The following ERC2 variants were observed in gnomAD, a reference collection of about 807,000 sequenced individuals.
ERC2 encodes ELKS/RAB6-interacting/CAST family member 2.
A neutral mutation model predicts 114.8 loss-of-function variants in ERC2; 42 were observed. The ratio of observed to expected loss-of-function variants is 0.37; its 90% CI spans 0.29 to 0.47. The LOEUF (loss-of-function observed/expected upper bound fraction) is 0.47. ERC2 is among the 20% of genes least tolerant of loss of function. The pLI, the probability that ERC2 is intolerant of heterozygous loss-of-function variation, is 0.99. For missense variants in ERC2, 939 were observed against 1,150.7 expected (o/e 0.82, Z 2.66); for synonymous variants, 454 against 425.5 (o/e 1.07, Z -0.82).
At chr3:56,179,381 G>A (rs921144205) in intron 3 of ERC2, among the ~76,000 whole-genome samples, 1 of 152,176 alleles carries the variant, frequency 6.6e-6, no homozygotes, top group Admixed American at 6.5e-5. Flanking sequence ...GAGAAAAATG[G>A]GAAGACATTG....
At chr3:55,659,923 T>C (rs960349621) in intron 17 of ERC2, among the ~76,000 whole-genome samples, 3 of 151,978 alleles carry the variant, frequency 2.0e-5, no homozygotes, top group African/African-American at 7.3e-5. Flanking sequence ...CCATATTTGC[T>C]CTAGGCATCT....
At chr3:55,653,564 AGTGTGTGTGTGTGTGTGTGTGTGT>A (rs36231107) in intron 17 of ERC2, among the ~76,000 whole-genome samples, 56 of 141,292 alleles carry the variant, frequency 4.0e-4, no homozygotes, top group African/African-American at 1.3e-3. Context: ...ACCTGGTAAA[AGTGTGTGTGTGTGTGTGTGTGTGT>A]GTGTGTGTGT....
chr3:56,202,493 A>C (rs1052110740), intron 3 of ERC2, among the ~76,000 whole-genome samples: 1 of 142,388 alleles, frequency 7.0e-6, no homozygotes. Flanking sequence ...AGCATCTCTA[A>C]ACTCAAGCTT....
chr3:55,694,912 T>G (rs1211560274), intron 16 of ERC2, among the ~76,000 whole-genome samples: 2 of 152,324 alleles, frequency 1.3e-5, no homozygotes, highest in Admixed American at 6.5e-5. Context: ...GTGGACCTCA[T>G]GCTGATGCTG....
intron 14 of ERC2, among the ~76,000 whole-genome samples, chr3:55,856,936 T>A (rs1369921520): frequency 1.3e-5 from 2 of 152,186 alleles, no homozygotes; most frequent in African/African-American, 4.8e-5. Flanking sequence ...ATTGTATGAT[T>A]CCATTTATAT....
chr3:55,684,391 T>C (rs143465734), intron 16 of ERC2, among the ~76,000 whole-genome samples: 4 of 152,274 alleles, frequency 2.6e-5, no homozygotes, highest in East Asian at 1.9e-4. Context: ...ATAATTCATA[T>C]TGGTTATTCC....
intron 17 of ERC2, chr3:55,647,172 C>G (rs1017660462): frequency 1.4e-5 from 2 of 148,108 alleles, no homozygotes; most frequent in African/African-American, 5.3e-5. Context: ...TATTTAGTGA[C>G]CTCCCCTGCC....
intron 17 of ERC2, among the ~76,000 whole-genome samples, chr3:55,538,628 A>T (rs1196676983): frequency 6.6e-6 from 1 of 152,192 alleles, no homozygotes; most frequent in African/African-American, 2.4e-5. Flanking sequence ...GCATTTTTGG[A>T]TTCACAAAAC....
At chr3:56,249,781 A>G (rs1284873619) in intron 3 of ERC2, among the ~76,000 whole-genome samples, 1 of 151,472 alleles carries the variant, frequency 6.6e-6, no homozygotes, top group African/African-American at 2.4e-5. Context: ...CTCAATATGT[A>G]TTAACTAAGA....
intron 3 of ERC2, among the ~76,000 whole-genome samples, chr3:56,188,350 G>GGTC (rs1328779497): frequency 6.6e-6 from 1 of 152,098 alleles, no homozygotes; most frequent in Non-Finnish European, 1.5e-5. Flanking sequence ...GGAGAGGGAG[G>GGTC]GTCTGGCTGC....
chr3:56,147,766 T>C (rs1041017380), intron 5 of ERC2, among the ~76,000 whole-genome samples: 2 of 152,324 alleles, frequency 1.3e-5, no homozygotes, highest in Non-Finnish European at 2.9e-5. Flanking sequence ...ATTGGTGTAC[T>C]TATTATTTTC....
At chr3:55,871,748 G>T (rs1258244572) in intron 14 of ERC2, among the ~76,000 whole-genome samples, 1 of 152,140 alleles carries the variant, frequency 6.6e-6, no homozygotes, top group African/African-American at 2.4e-5. Flanking sequence ...TGTGTCAGTG[G>T]TGTAATCCTT....
At chr3:55,976,418 C>A (rs1179540417) in intron 12 of ERC2, among the ~76,000 whole-genome samples, 2 of 152,246 alleles carry the variant, frequency 1.3e-5, no homozygotes, top group East Asian at 3.9e-4. Context: ...ACATTCCACT[C>A]CGAATGCCTT....
At chr3:56,004,776 C>A (rs2072344830) in intron 10 of ERC2, among the ~76,000 whole-genome samples, 1 of 151,936 alleles carries the variant, frequency 6.6e-6, no homozygotes, top group East Asian at 1.9e-4. Context: ...CATAATAAAA[C>A]TATTATGTTT....
At chr3:55,583,905 G>A (rs140852222) in intron 17 of ERC2, among the ~76,000 whole-genome samples, 279 of 151,972 alleles carry the variant, frequency 1.8e-3, no homozygotes, top group African/African-American at 6.6e-3. Context: ...TCCCAAAACA[G>A]GTACAGGGTT....
chr3:56,397,348 TAAA>T lies in ERC2; in HGVS notation c.657+37000_657+37002del, dbSNP rs57041870. 1.4e-3 allele frequency among the ~76,000 whole-genome samples: 188 copies of T among 137,372 alleles called. 1 individual carries two copies. The highest frequency in any genetic ancestry group is 1.3e-3 in the East Asian group (6 of 4,588). The allele number at this position is 137,372 out of a possible 152,430, so 90.1% of individuals were successfully genotyped here. On this transcript the variant is annotated intron_variant, in intron 2 of 17. Coordinates refer to ENST00000288221, the MANE Select transcript of ERC2 (RefSeq NM_015576.3). The stretch of plus-strand genomic sequence containing the variant: ...TGGGCAACAGAGCACATATCTGTCT[TAAA>T]AAAAAAAAAAAAAAGAAGAAGAAGA...
rs373670243 is a variant in ERC2, at chr3:55,608,682, T to G, written c.*39+75112A>C. On this transcript the variant is annotated intron_variant, in intron 17 of 17. Transcript: ENST00000288221. ...AACACCCTTGCTTCATTTGGGGATC[T>G]CACTTCTAAATATAATAGTAACCTT... 1.1e-4 allele frequency among the ~76,000 whole-genome samples: 16 copies of G among 152,344 alleles called. No individual in the cohort carries two copies. The East Asian group carries it at 2.5e-3, about 24-fold the overall frequency.
intron 3 of ERC2, among the ~76,000 whole-genome samples, chr3:56,238,278 G>A (rs1017804795): frequency 2.6e-5 from 4 of 152,200 alleles, no homozygotes; most frequent in African/African-American, 7.2e-5. Flanking sequence ...AAACCAAGAC[G>A]AAATAGGTGT....
At chr3:55,644,146 T>A (rs143140348) in intron 17 of ERC2, among the ~76,000 whole-genome samples, 8 of 152,294 alleles carry the variant, frequency 5.3e-5, no homozygotes, top group African/African-American at 1.4e-4. Flanking sequence ...AACTAGTTGG[T>A]TGATCTCAGC....
Sources: allele counts gnomAD v4.1 joint callset (sites outside exome capture counted in the v4.1 genomes callset), GRCh38; gene constraint gnomAD v4.1.1; transcripts MANE v1.5; gene names NCBI Gene and HGNC (gene_info 2026-07-23, HGNC 2026-07-21).